The following DMD variants were observed in gnomAD, a reference collection of about 807,000 sequenced individuals.
DMD encodes mutant dystrophin.
Under a neutral mutation model 330.1 loss-of-function variants are expected in DMD, and 63 were observed. That is an observed-to-expected ratio of 0.19 (90% CI 0.16 to 0.24). DMD has a LOEUF of 0.24. Among genes scored for constraint, DMD ranks in the 10% least tolerant of loss-of-function variants. The pLI is 1.00. For missense variants in DMD, 3,344 were observed against 2,684.1 expected, an observed-to-expected ratio of 1.25 and a Z score of -5.43; for synonymous variants, 1,223 against 959.8, an observed-to-expected ratio of 1.27 and a Z score of -5.07.
At chrX:32,649,364 C>T (rs1274765000) in intron 9 of DMD, among the ~76,000 whole-genome samples, 3 of 108,620 alleles carry the variant, frequency 2.8e-5, no homozygotes, top group Non-Finnish European at 5.7e-5. Flanking sequence ...ACCATCTTCG[C>T]TAACATGGTT....
chrX:31,587,501 C>T (rs745441927), intron 55 of DMD, among the ~76,000 whole-genome samples: 1 of 112,165 alleles, frequency 8.9e-6, no homozygotes, highest in East Asian at 2.8e-4. Context: ...ACTTAAGTTG[C>T]TTGTTAAAAT....
intron 5 of DMD, among the ~76,000 whole-genome samples, chrX:32,821,381 G>A (rs772748241): frequency 9.1e-6 from 1 of 109,760 alleles, no homozygotes; most frequent in Non-Finnish European, 1.9e-5. Flanking sequence ...TCAGGAGATC[G>A]AGACCATCCT....
chrX:31,925,883 A>C (rs1261777096), intron 47 of DMD, among the ~76,000 whole-genome samples: 3 of 109,403 alleles, frequency 2.7e-5, no homozygotes, highest in South Asian at 4.0e-4. Context: ...AAAAAAAAAA[A>C]AAAACAAAAA....
At chrX:31,489,670 GT>G (rs1291693946) in intron 57 of DMD, among the ~76,000 whole-genome samples, 1 of 111,776 alleles carries the variant, frequency 8.9e-6, no homozygotes, top group Non-Finnish European at 1.9e-5. Flanking sequence ...CATAAAAAAA[GT>G]TCTTGAAAGA....
chrX:31,893,408 C>T (rs1286431178), intron 47 of DMD, among the ~76,000 whole-genome samples: 1 of 111,571 alleles, frequency 9.0e-6, no homozygotes, highest in African/African-American at 3.3e-5. Context: ...GTGCATGAAA[C>T]CAGAACCCTA....
intron 41 of DMD, among the ~76,000 whole-genome samples, chrX:32,312,941 C>CAAAAAAAAAAAAAAAAAAAAA (rs1171543953): frequency 5.7e-4 from 11 of 19,171 alleles, no homozygotes; most frequent in South Asian, 6.3e-3. Context: ...AGCCTACGAA[C>CAAAAAAAAAAAAAAAAAAAAA]CAAAAAAAAA....
At chrX:32,045,791 T>G (rs763279414) in intron 44 of DMD, among the ~76,000 whole-genome samples, 67 of 112,383 alleles carry the variant, frequency 6.0e-4, no homozygotes, top group Non-Finnish European at 1.1e-3. Context: ...AATAATACAC[T>G]TTCCCTTAGT....
chrX:32,464,737 T>G (rs774642145), intron 23 of DMD, 38 bp from the exon 24 acceptor site: 1 of 961,431 alleles, frequency 1.0e-6, no homozygotes. Context: ...ACTGGTGTGC[T>G]GATTACTTTT....
At chrX:32,872,354 C>A (rs2083067327) in intron 2 of DMD, among the ~76,000 whole-genome samples, 1 of 111,853 alleles carries the variant, frequency 8.9e-6, no homozygotes, top group Non-Finnish European at 1.9e-5. Flanking sequence ...CATCCTACCC[C>A]ATGGATCACA....
intron 1 of DMD, among the ~76,000 whole-genome samples, chrX:33,242,310 C>A (rs2052599669): frequency 9.0e-6 from 1 of 111,336 alleles, no homozygotes; most frequent in Middle Eastern, 4.2e-3. Context: ...ATTCTTATGC[C>A]TTTGTGTTCT....
chrX:31,152,991 T>C (rs1223429572), intron 74 of DMD, among the ~76,000 whole-genome samples: 2 of 112,610 alleles, frequency 1.8e-5, no homozygotes, highest in African/African-American at 6.5e-5. Context: ...CATGTGTGTG[T>C]ACTTTAATAT....
intron 1 of DMD, among the ~76,000 whole-genome samples, chrX:33,260,957 T>G (rs1262217958): frequency 9.0e-6 from 1 of 111,144 alleles, no homozygotes; most frequent in Non-Finnish European, 1.9e-5. Flanking sequence ...CGATCCACAC[T>G]TACACACACA....
intron 2 of DMD, among the ~76,000 whole-genome samples, chrX:32,881,680 G>A (rs145387397): frequency 0.011 from 1,289 of 112,243 alleles, 18 homozygotes; most frequent in African/African-American, 0.039. Context: ...GTTGCCTTAA[G>A]TATTGCTTTT....
At position 33,253,377 on chromosome X, in the gene DMD, C is replaced by T. The variant is rs187383650; in HGVS notation, c.7+85882G>A. 5.8e-3 allele frequency among the ~76,000 whole-genome samples: 646 copies of T among 111,623 alleles called. 5 individuals are homozygous for T. Among genetic ancestry groups the T allele is most frequent in the Non-Finnish European group, 7.3e-3 (388 of 52,926 alleles). On this transcript the variant is annotated intron_variant, in intron 1 of 17. Coordinates refer to the DMD transcript ENST00000288447. ...CAATTGATTATGAAGACACGAACTA[C>T]TTCTACTAATTTAATAGAACTAGAG...
At chrX:33,129,722 C>G (rs1020267182) in intron 1 of DMD, among the ~76,000 whole-genome samples, 1 of 110,107 alleles carries the variant, frequency 9.1e-6, no homozygotes, top group East Asian at 2.8e-4. Context: ...GTACCGTATT[C>G]CCTTGTCTAC....
chrX:33,277,424 G>T (rs1164907534), intron 1 of DMD, among the ~76,000 whole-genome samples: 1 of 111,146 alleles, frequency 9.0e-6, no homozygotes, highest in African/African-American at 3.3e-5. Context: ...TATGTTATGT[G>T]AATTTTACCT....
intron 49 of DMD, among the ~76,000 whole-genome samples, chrX:31,825,661 G>A (rs1318160326): frequency 1.8e-5 from 2 of 111,569 alleles, no homozygotes; most frequent in Non-Finnish European, 3.8e-5. Flanking sequence ...CTGAAGAAAG[G>A]GTGCTTTGAA....
At chrX:32,514,736 C>T (rs2045691618) in intron 18 of DMD, among the ~76,000 whole-genome samples, 1 of 112,326 alleles carries the variant, frequency 8.9e-6, no homozygotes, top group Non-Finnish European at 1.9e-5. Flanking sequence ...GAGACTCCGT[C>T]TCAAAAAAAT....
chrX:32,315,984 T>A (rs1290681937), intron 41 of DMD, among the ~76,000 whole-genome samples: 1 of 111,673 alleles, frequency 9.0e-6, no homozygotes, highest in Non-Finnish European at 1.9e-5. Flanking sequence ...TTTTACAAAC[T>A]TTTAAATAAT....
Sources: allele counts gnomAD v4.1 joint callset (sites outside exome capture counted in the v4.1 genomes callset), GRCh38; gene constraint gnomAD v4.1.1; transcripts MANE v1.5; gene names NCBI Gene and HGNC (gene_info 2026-07-23, HGNC 2026-07-21).